The following CA10 variants were observed in gnomAD, a reference collection of about 807,000 sequenced individuals.
The protein encoded by CA10 is carbonic anhydrase 10 (inactive).
In CA10, 14 loss-of-function variants were observed where a neutral mutation model predicts 44.2. That is an observed-to-expected ratio of 0.32 (90% CI 0.21 to 0.50). The LOEUF is 0.50. CA10 is among the 20% of genes least tolerant of loss of function. The pLI is 0.99. For missense variants in CA10, 350 were observed against 409.7 expected, an observed-to-expected ratio of 0.85 and a Z score of 1.26; for synonymous variants, 159 against 141.6, an observed-to-expected ratio of 1.12 and a Z score of -0.87.
chr17:51,844,589 T>A, intron 3 of CA10, among the ~76,000 whole-genome samples: 1 of 152,332 alleles, frequency 6.6e-6, no homozygotes, highest in African/African-American at 2.4e-5. Flanking sequence ...TAACATGGAA[T>A]GTCTGTAAAT....
At chr17:51,773,477 G>A (rs1342858384) in intron 3 of CA10, among the ~76,000 whole-genome samples, 1 of 152,214 alleles carries the variant, frequency 6.6e-6, no homozygotes, top group Admixed American at 6.5e-5. Flanking sequence ...TCAGAGCCTG[G>A]TGGAGAAGTT....
intron 3 of CA10, among the ~76,000 whole-genome samples, chr17:51,865,362 T>C (rs1010483566): frequency 1.3e-5 from 2 of 152,188 alleles, no homozygotes; most frequent in South Asian, 4.1e-4. Flanking sequence ...TGGAACATGG[T>C]AGGTGTTCAA....
chr17:52,115,848 C>T lies in CA10; in HGVS notation c.61+41878G>A, dbSNP rs1169531014. 2.0e-5 allele frequency among the ~76,000 whole-genome samples: 3 copies of T among 152,254 alleles called. No homozygotes were observed. The East Asian group carries it at 5.8e-4, about 29-fold the overall frequency. On this transcript the variant is annotated intron_variant, in intron 1 of 8. Coordinates refer to ENST00000451037, the MANE Select transcript of CA10 (RefSeq NM_020178.5). ...GTGGCTCACGCCTGTAATTCCAGCA[C>T]TTTGGGAGGCCGAGGCAGGCAGATC...
intron 2 of CA10, among the ~76,000 whole-genome samples, chr17:52,010,232 C>T (rs572084163): frequency 6.6e-6 from 1 of 151,946 alleles, no homozygotes; most frequent in Admixed American, 6.6e-5. Flanking sequence ...CTGTTTAATC[C>T]ATCAATCCCA....
chr17:51,746,659 T>A (rs934056016), intron 4 of CA10, among the ~76,000 whole-genome samples: 42 of 152,348 alleles, frequency 2.8e-4, no homozygotes, highest in African/African-American at 9.4e-4. Flanking sequence ...GCCCTTTTTT[T>A]AAATCTCTGT....
At chr17:52,119,591 A>G (rs528786359) in intron 1 of CA10, among the ~76,000 whole-genome samples, 2 of 152,146 alleles carry the variant, frequency 1.3e-5, no homozygotes, top group South Asian at 4.2e-4. Context: ...GCTCAGCTTT[A>G]AAAAAAAGAA....
At chr17:51,861,668 C>T (rs544934417) in intron 3 of CA10, among the ~76,000 whole-genome samples, 18 of 151,976 alleles carry the variant, frequency 1.2e-4, no homozygotes, top group African/African-American at 4.3e-4. Flanking sequence ...GGGAAAAAAG[C>T]TGCAATCAAT....
At chr17:52,096,964 C>A (rs1362032075) in intron 1 of CA10, among the ~76,000 whole-genome samples, 2 of 152,174 alleles carry the variant, frequency 1.3e-5, no homozygotes, top group Non-Finnish European at 2.9e-5. Context: ...ATTTTAACTG[C>A]AATGTATAAA....
intron 2 of CA10, among the ~76,000 whole-genome samples, chr17:51,980,670 AATCT>A (rs1265879519): frequency 1.3e-5 from 2 of 152,058 alleles, no homozygotes; most frequent in Non-Finnish European, 2.9e-5. Context: ...TGAAGTCTTT[AATCT>A]ATCTTGAGTT....
At chr17:52,001,821 G>T (rs1349210614) in intron 2 of CA10, among the ~76,000 whole-genome samples, 1 of 151,948 alleles carries the variant, frequency 6.6e-6, no homozygotes, top group Non-Finnish European at 1.5e-5. Flanking sequence ...ATAAAAATGG[G>T]TGTTTGGGAG....
chr17:51,894,348 C>T (rs953840679), intron 3 of CA10, among the ~76,000 whole-genome samples: 2 of 152,028 alleles, frequency 1.3e-5, no homozygotes, highest in Non-Finnish European at 2.9e-5. Flanking sequence ...ACTGGTGAAT[C>T]ATCTGTGAGA....
chr17:51,865,803 A>G (rs775584312), intron 3 of CA10, among the ~76,000 whole-genome samples: 11 of 152,170 alleles, frequency 7.2e-5, no homozygotes, highest in Non-Finnish European at 1.2e-4. Flanking sequence ...GGCTGCCTCT[A>G]TATCATATCT....
At chr17:51,748,337 A>G (rs1386097432) in intron 3 of CA10, 4 of 270,274 alleles carry the variant, frequency 1.5e-5, no homozygotes, top group South Asian at 1.4e-4. Context: ...GCAACCAGAC[A>G]TTGCACAGAA....
At chr17:51,777,729 A>G (rs533188068) in intron 3 of CA10, among the ~76,000 whole-genome samples, 13 of 152,316 alleles carry the variant, frequency 8.5e-5, no homozygotes, top group African/African-American at 3.1e-4. Context: ...CTAAGAGCTC[A>G]AGACCAGCTT....
chr17:51,686,285 T>C (rs1241927151), intron 4 of CA10, among the ~76,000 whole-genome samples: 3 of 152,258 alleles, frequency 2.0e-5, no homozygotes, highest in African/African-American at 4.8e-5. Flanking sequence ...TTAAACCTCT[T>C]TCCTTTATAA....
At chr17:52,025,783 T>C (rs1986282148) in intron 2 of CA10, among the ~76,000 whole-genome samples, 1 of 152,086 alleles carries the variant, frequency 6.6e-6, no homozygotes, top group Non-Finnish European at 1.5e-5. Context: ...GGCAACTTTG[T>C]TGATACAAAT....
intron 3 of CA10, among the ~76,000 whole-genome samples, chr17:51,876,951 G>C (rs1980108389): frequency 6.6e-6 from 1 of 152,128 alleles, no homozygotes; most frequent in African/African-American, 2.4e-5. Context: ...TTAAAATCAG[G>C]AACGACACCG....
chr17:51,878,434 G>A (rs888564743), intron 3 of CA10, among the ~76,000 whole-genome samples: 6 of 152,096 alleles, frequency 3.9e-5, no homozygotes, highest in African/African-American at 1.2e-4. Flanking sequence ...ATTTAGAGAT[G>A]TGAAGAGTTT....
At chr17:51,821,139 C>T in intron 3 of CA10, among the ~76,000 whole-genome samples, 1 of 145,200 alleles carries the variant, frequency 6.9e-6, no homozygotes, top group Non-Finnish European at 1.5e-5. Flanking sequence ...CCCTCCCTCC[C>T]TCCCAATATT....
Sources: gnomAD v4.1 joint callset for allele counts (sites outside exome capture counted in the v4.1 genomes callset) on GRCh38, gnomAD v4.1.1 for gene constraint, MANE v1.5 for transcripts, NCBI Gene and HGNC (gene_info 2026-07-23, HGNC 2026-07-21) for gene names.